Variants in CPZ observed in about 807,000 individuals in gnomAD.
CPZ encodes the protein carboxypeptidase Z.
A neutral mutation model predicts 61.8 loss-of-function variants in CPZ; 103 were observed. That is an observed-to-expected ratio of 1.67 (90% CI 1.42 to 1.96). The LOEUF (loss-of-function observed/expected upper bound fraction) is 1.96. Among genes scored for constraint, CPZ ranks in the 30% most tolerant of loss-of-function variants. The probability of loss-of-function intolerance (pLI) is 0.00; values close to 1 mark genes in which losing one functional copy is unlikely to be tolerated. For missense variants in CPZ, 1,461 were observed against 914.9 expected (o/e 1.60, Z -7.70); for synonymous variants, 551 against 373.7 (o/e 1.47, Z -5.47).
chr4:8,600,855 T>G, intron 2 of CPZ: 1 of 1,074,878 alleles, frequency 9.3e-7, no homozygotes, highest in Non-Finnish European at 1.2e-6. Flanking sequence ...ACAGCTGCTT[T>G]GCAGATGGAG....
Position 8,592,826 on chromosome 4 carries a change from G to A in CPZ, c.-8G>A, listed in dbSNP as rs1389888799. Reference sequence around the variant, plus strand: ...CTGCGCTGGCCGTCCAAGGTCCGCCGCCCCACCATGCCGCCCCCGCTGCCG... The same window carrying A: ...CTGCGCTGGCCGTCCAAGGTCCGCCACCCCACCATGCCGCCCCCGCTGCCG... On this transcript the variant is annotated 5_prime_UTR_variant, in exon 1 of 11. Coordinates refer to ENST00000360986, the MANE Select transcript of CPZ (RefSeq NM_001014447.3). 8 of 1,458,074 alleles carry A rather than the reference G, an allele frequency of 5.5e-6. No homozygotes were observed. The East Asian group carries it at 8.7e-5, about 16-fold the overall frequency. 90.3% of individuals were successfully genotyped at this position (1,458,074 alleles called of 1,614,324 possible). A position where few individuals can be genotyped will look rare whatever the true frequency, so the allele number is the denominator to read the frequency against.
rs538785974 is a variant in CPZ, at chr4:8,617,944, A to G, written c.1504-485A>G. On this transcript the variant is annotated intron_variant, in intron 9 of 10. Coordinates refer to ENST00000360986, the MANE Select transcript of CPZ (RefSeq NM_001014447.3). ...GTGCCAAGGCCAGGCAAGCAGTAAG[A>G]AGGCAGGGCGTGTTATACACGTGTA... The G allele has an allele frequency of 3.7e-4, 61 of 165,358 alleles. 1 individual carries two copies. In the East Asian group the frequency reaches 9.7e-3, roughly 26 times the overall value. The allele number at this position is 165,358 out of a possible 1,614,324, so 10.2% of individuals were successfully genotyped here.
At chr4:8,597,135 C>A (rs1463741731) in intron 1 of CPZ, among the ~76,000 whole-genome samples, 1 of 152,136 alleles carries the variant, frequency 6.6e-6, no homozygotes, top group Non-Finnish European at 1.5e-5. Context: ...CAGGATGAGA[C>A]CACGGGTCAG....
intron 7 of CPZ, among the ~76,000 whole-genome samples, chr4:8,609,352 TTCATTCACTCAC>T (rs1715445654): frequency 6.7e-6 from 1 of 148,512 alleles, no homozygotes. Flanking sequence ...CATTCTCTCA[TTCATTCACTCAC>T]AAACTCATTC....
intron 6 of CPZ, 34 bp from the exon 7 acceptor site, chr4:8,607,233 C>G: frequency 1.2e-6 from 2 of 1,606,676 alleles, no homozygotes; most frequent in Non-Finnish European, 1.7e-6. Context: ...TGGGAAAGCC[C>G]AGCCCTGAGG....
At chr4:8,599,558 G>T (rs1391899412) in intron 2 of CPZ, 73 bp downstream of exon 2, 1 of 1,595,632 alleles carries the variant, frequency 6.3e-7, no homozygotes. Context: ...GAGCACTTTA[G>T]GCAGCTGAAT....
At chr4:8,606,674 A>G in intron 5 of CPZ, 63 bp from the exon 6 acceptor site, 1 of 1,599,984 alleles carries the variant, frequency 6.3e-7, no homozygotes. Flanking sequence ...CGTGAGACCC[A>G]TCTGGAAGGA....
At chr4:8,618,627 C>T in intron 10 of CPZ, 99 bp downstream of exon 10, 2 of 1,158,088 alleles carry the variant, frequency 1.7e-6, no homozygotes, top group Non-Finnish European at 2.5e-6. Flanking sequence ...GTGCCCAGCC[C>T]TCAGCAGGAT....
At position 8,614,384 on chromosome 4, in the gene CPZ, C is replaced by A. The variant is rs1394210386; in HGVS notation, c.1389C>A (p.His463Gln). Residue 463 changes from histidine to glutamine, a missense_variant, in exon 9 of 11, where the codon CAC becomes CAA. By Grantham distance (24) the His-to-Gln change is conservative. Coordinates refer to ENST00000360986, the MANE Select transcript of CPZ (RefSeq NM_001014447.3). Reference sequence around the variant, plus strand: ...GCATGTCCGATTTCAACTACCTGCACACCAACTGCTTTGAGATCACGGTAG... The same window carrying A: ...GCATGTCCGATTTCAACTACCTGCAAACCAACTGCTTTGAGATCACGGTAG... ...TGGMSDFNYL[H>Q]TNCFEITVEL... The A allele has an allele frequency of 6.8e-6, 11 of 1,613,878 alleles. No individual in the cohort carries two copies. Among genetic ancestry groups the A allele is most frequent in the South Asian group, 1.1e-5 (1 of 91,060 alleles).
At position 8,613,940 on chromosome 4, in the gene CPZ, G is replaced by A. The variant is rs182505502; in HGVS notation, c.1364-419G>A. ...TGCCAGGGGCCTGTGCGGCTGCCCC[G>A]TGCTGTGGGCTTTTCTGTTAGAAAC... On this transcript the variant is annotated intron_variant, in intron 8 of 10. Transcript: ENST00000360986. 5.8e-4 allele frequency among the ~76,000 whole-genome samples: 89 copies of A among 152,308 alleles called. No individual in the cohort carries two copies. The East Asian group carries it at 0.013, about 22-fold the overall frequency.
At chr4:8,608,882 C>T (rs1715284188) in intron 7 of CPZ, among the ~76,000 whole-genome samples, 1 of 152,184 alleles carries the variant, frequency 6.6e-6, no homozygotes, top group African/African-American at 2.4e-5. Context: ...TGCTGTGGCC[C>T]AGCAGGAATG....
chr4:8,603,721 C>T (rs766707070), intron 3 of CPZ: 13 of 557,410 alleles, frequency 2.3e-5, no homozygotes, highest in African/African-American at 3.8e-5. Context: ...AGGAGCTTCC[C>T]ACAGTGGCCC....
At chr4:8,614,999 T>G (rs182187912) in intron 9 of CPZ, among the ~76,000 whole-genome samples, 67 of 151,858 alleles carry the variant, frequency 4.4e-4, no homozygotes, top group African/African-American at 1.5e-3. Context: ...AGCCGTGGGA[T>G]GGGGCGGGCA....
Position 8,609,256 on chromosome 4 carries a change from CTCAT to C in CPZ, c.1227+1834_1227+1837del, listed in dbSNP as rs901642295. Among the ~76,000 whole-genome samples, 15 of 81,826 alleles carry C rather than the reference CTCAT, an allele frequency of 1.8e-4. 1 individual carries two copies. Among genetic ancestry groups the C allele is most frequent in the Admixed American group, 7.4e-4 (7 of 9,492 alleles). The allele number at this position is 81,826 out of a possible 152,430, so 53.7% of individuals were successfully genotyped here. Reference sequence around the variant, plus strand: ...TTGTCACTCATTCACTCATCACTCACTCATTCTCTTATTCATTCACACACTAATT... The same window carrying C: ...TTGTCACTCATTCACTCATCACTCACTCTCTTATTCATTCACACACTAATT... On this transcript the variant is annotated intron_variant, in intron 7 of 10. Coordinates refer to ENST00000360986, the MANE Select transcript of CPZ (RefSeq NM_001014447.3).
chr4:8,615,774 T>A (rs1716112508), intron 9 of CPZ, among the ~76,000 whole-genome samples: 2 of 152,176 alleles, frequency 1.3e-5, no homozygotes, highest in Non-Finnish European at 2.9e-5. Context: ...AAGCCCTCTG[T>A]CCATGAGCCC....
intron 9 of CPZ, among the ~76,000 whole-genome samples, chr4:8,616,801 C>G (rs1035715901): frequency 6.6e-6 from 1 of 152,336 alleles, no homozygotes; most frequent in Non-Finnish European, 1.5e-5. Context: ...AATGCGAGTC[C>G]ATGAGACATT....
Position 8,607,321 on chromosome 4 carries a change from C to T in CPZ, c.1123C>T (p.Leu375Phe), listed in dbSNP as rs756861411. ...MKWMQTIPFV[L>F]SASLHGGDLV... ...GTGGATGCAGACCATACCCTTTGTGCTCTCAGCCAGCCTTCATGGGGGCGA... is the reference window on the plus strand; with the variant it reads ...GTGGATGCAGACCATACCCTTTGTGTTCTCAGCCAGCCTTCATGGGGGCGA... The change falls in exon 7 of 11, where the codon CTC becomes TTC. Residue 375 changes from leucine (L) to phenylalanine (F), a missense_variant. By Grantham distance (22) the Leu-to-Phe change is conservative. Coordinates refer to ENST00000360986, the MANE Select transcript of CPZ (RefSeq NM_001014447.3). 3 of 1,614,116 alleles carry T rather than the reference C, an allele frequency of 1.9e-6. No individual in the cohort carries two copies. The highest frequency in any genetic ancestry group is 3.3e-5 in the Admixed American group (2 of 60,014).
At position 8,618,269 on chromosome 4, in the gene CPZ, T is replaced by A. The variant is rs1391224995; in HGVS notation, c.1504-160T>A. 6.3e-6 allele frequency: 4 copies of A among 631,864 alleles called. No individual in the cohort carries two copies. In the East Asian group the frequency reaches 1.1e-4, roughly 17 times the overall value. 39.1% of individuals were successfully genotyped at this position (631,864 alleles called of 1,614,324 possible). On this transcript the variant is annotated intron_variant, in intron 9 of 10. Coordinates refer to ENST00000360986, the MANE Select transcript of CPZ (RefSeq NM_001014447.3). Reference sequence around the variant, plus strand: ...AGGCCCAGAGAGGGGAGTGACTGACTCGTTAAAGATGGCAGAGCGAGGGCT... The same window carrying A: ...AGGCCCAGAGAGGGGAGTGACTGACACGTTAAAGATGGCAGAGCGAGGGCT...
At chr4:8,607,736 C>CGCCTG (rs1715163355) in intron 7 of CPZ, among the ~76,000 whole-genome samples, 1 of 151,962 alleles carries the variant, frequency 6.6e-6, no homozygotes, top group Non-Finnish European at 1.5e-5. Context: ...AGCTCCGCCC[C>CGCCTG]GCGCCTGGCG....
Sources: allele counts gnomAD v4.1 joint callset (sites outside exome capture counted in the v4.1 genomes callset), GRCh38; gene constraint gnomAD v4.1.1; transcripts MANE v1.5; gene names NCBI Gene and HGNC (gene_info 2026-07-23, HGNC 2026-07-21).